Variants in MMP24 observed in about 807,000 individuals in gnomAD.
The protein encoded by MMP24 is matrix metallopeptidase 24.
In MMP24, 25 loss-of-function variants were observed where a neutral mutation model predicts 62.8. The ratio of observed to expected loss-of-function variants is 0.40; its 90% confidence interval spans 0.29 to 0.56. The LOEUF (loss-of-function observed/expected upper bound fraction) is 0.56. Ranked by LOEUF, MMP24 falls within the 20% of genes least tolerant of loss-of-function variation. The pLI is 0.50. For synonymous variants in MMP24, 319 were observed against 350.5 expected (o/e 0.91, Z 1.00); for missense variants, 634 against 853.6 (o/e 0.74, Z 3.21).
intron 4 of MMP24, among the ~76,000 whole-genome samples, chr20:35,262,210 A>G (rs1378666408): frequency 6.6e-6 from 1 of 152,110 alleles, no homozygotes; most frequent in Admixed American, 6.6e-5. Context: ...CACAGAGACA[A>G]AGTATAGAGA....
At chr20:35,234,570 G>C (rs1455508301) in intron 1 of MMP24, among the ~76,000 whole-genome samples, 1 of 152,180 alleles carries the variant, frequency 6.6e-6, no homozygotes, top group Non-Finnish European at 1.5e-5. Flanking sequence ...TTTTGAAGTA[G>C]CGCACCATGG....
chr20:35,267,302 C>T lies in MMP24; in HGVS notation c.1077C>T (p.Pro359=). 1 of 1,599,880 alleles carries T rather than the reference C, an allele frequency of 6.3e-7. No individual in the cohort carries two copies. The highest frequency in any genetic ancestry group is 8.5e-7 in the Non-Finnish European group (1 of 1,173,858). ...CGGAGAGGAAACACGAGCGCCAGCC[C>T]AGGCCCCCTCGGCCGCCCCTCGGGG... ...SPSERKHERQ[P]RPPRPPLGDR... The change falls in exon 6 of 9, where the codon CCC becomes CCT. Residue 359 remains proline, a synonymous_variant. Coordinates refer to ENST00000246186, the MANE Select transcript of MMP24 (RefSeq NM_006690.4).
intron 1 of MMP24, among the ~76,000 whole-genome samples, chr20:35,243,498 T>C (rs1282757609): frequency 2.0e-5 from 3 of 152,188 alleles, no homozygotes; most frequent in African/African-American, 7.2e-5. Flanking sequence ...AGGTGCTCAG[T>C]TAATGCTTGT....
intron 2 of MMP24, 62 bp downstream of exon 2, chr20:35,247,050 TG>T (rs2060518913): frequency 6.3e-7 from 1 of 1,586,052 alleles, no homozygotes; most frequent in Non-Finnish European, 8.7e-7. Context: ...GGTTCACATT[TG>T]TCATGGCCTG....
At chr20:35,252,137 T>C (rs1253195530) in intron 3 of MMP24, 116 bp downstream of exon 3, 5 of 809,150 alleles carry the variant, frequency 6.2e-6, no homozygotes, top group African/African-American at 1.7e-5. Flanking sequence ...GCTTACAACA[T>C]AGGCCAAGAG....
intron 2 of MMP24, 96 bp downstream of exon 2, chr20:35,247,084 C>A: frequency 1.4e-6 from 2 of 1,418,020 alleles, no homozygotes; most frequent in Non-Finnish European, 2.0e-6. Flanking sequence ...GCCCATCCTC[C>A]CTTCCTATCT....
intron 1 of MMP24, among the ~76,000 whole-genome samples, chr20:35,232,241 A>C (rs1046717292): frequency 6.6e-6 from 1 of 152,194 alleles, no homozygotes; most frequent in Non-Finnish European, 1.5e-5. Context: ...TTATAATTGT[A>C]CCCAAAAGAC....
intron 7 of MMP24, among the ~76,000 whole-genome samples, chr20:35,270,624 G>A (rs988755314): frequency 1.3e-5 from 2 of 152,214 alleles, no homozygotes; most frequent in Non-Finnish European, 2.9e-5. Context: ...ACATGGCAGG[G>A]GCAGGGCAGC....
intron 4 of MMP24, among the ~76,000 whole-genome samples, chr20:35,259,550 G>T (rs1327931162): frequency 6.6e-6 from 1 of 152,224 alleles, no homozygotes; most frequent in Non-Finnish European, 1.5e-5. Flanking sequence ...GTCATGGAAG[G>T]CTTCCTGGAA....
intron 4 of MMP24, among the ~76,000 whole-genome samples, chr20:35,256,714 CAAAAAAAAAAAAA>C (rs74173944): frequency 1.3e-4 from 5 of 39,716 alleles, no homozygotes; most frequent in Non-Finnish European, 1.4e-4. Flanking sequence ...GATTCCGTCT[CAAAAAAAAAAAAA>C]AAAAAAAAAA....
rs2060578759 is a variant in MMP24 at position 35,257,091 on chromosome 20, T to C, written c.817+2337T>C. 2.0e-5 allele frequency among the ~76,000 whole-genome samples: 3 copies of C among 152,062 alleles called. No homozygotes were observed. The South Asian group carries it at 6.2e-4, about 32-fold the overall frequency. Reference sequence around the variant, plus strand: ...GGTTTGGTGTCTATAGTTGGGGCCATGTTTGGTGTCTATAGTTGGGGATCA... The same window carrying C: ...GGTTTGGTGTCTATAGTTGGGGCCACGTTTGGTGTCTATAGTTGGGGATCA... On this transcript the variant is annotated intron_variant, in intron 4 of 8. Coordinates refer to ENST00000246186, the MANE Select transcript of MMP24 (RefSeq NM_006690.4).
At chr20:35,227,712 A>G (rs1369800805) in intron 1 of MMP24, among the ~76,000 whole-genome samples, 1 of 152,136 alleles carries the variant, frequency 6.6e-6, no homozygotes, top group Non-Finnish European at 1.5e-5. Context: ...CATTTACTGA[A>G]CACTCACTAT....
intron 1 of MMP24, among the ~76,000 whole-genome samples, chr20:35,234,071 C>T (rs1405856007): frequency 6.6e-6 from 1 of 152,182 alleles, no homozygotes; most frequent in Non-Finnish European, 1.5e-5. Flanking sequence ...TTTTATACCA[C>T]CCATTCTCCC....
chr20:35,244,860 T>C (rs560755978), intron 1 of MMP24, among the ~76,000 whole-genome samples: 5 of 152,142 alleles, frequency 3.3e-5, no homozygotes, highest in African/African-American at 7.2e-5. Context: ...AATCACTCCA[T>C]GCATAAAACT....
At chr20:35,267,036 T>A (rs539488487) in intron 5 of MMP24, among the ~76,000 whole-genome samples, 169 bp from the exon 6 acceptor site, 2 of 152,284 alleles carry the variant, frequency 1.3e-5, no homozygotes, top group Admixed American at 6.5e-5. Flanking sequence ...CCCATTCTAA[T>A]GGCTATTTTC....
At chr20:35,242,915 T>G (rs2146207696) in intron 1 of MMP24, among the ~76,000 whole-genome samples, 1 of 152,252 alleles carries the variant, frequency 6.6e-6, no homozygotes, top group Admixed American at 6.5e-5. Context: ...CGGTGGCTCA[T>G]GCCTGTAATC....
intron 4 of MMP24, 52 bp downstream of exon 4, chr20:35,254,806 A>G: frequency 6.5e-7 from 1 of 1,536,060 alleles, no homozygotes; most frequent in Non-Finnish European, 8.8e-7. Flanking sequence ...GTTGTTGGGA[A>G]AGAACTTGGA....
chr20:35,255,295 T>TACTCCAGCCCAGGCGACAAGAGTGAA lies in MMP24; in HGVS notation c.817+548_817+573dup. Among the ~76,000 whole-genome samples the TACTCCAGCCCAGGCGACAAGAGTGAA allele has an allele frequency of 2.0e-5, 3 of 151,842 alleles. No homozygotes were observed. In the East Asian group the frequency reaches 5.8e-4, roughly 30 times the overall value. On this transcript the variant is annotated intron_variant, in intron 4 of 8. Coordinates refer to ENST00000246186, the MANE Select transcript of MMP24 (RefSeq NM_006690.4). ...GCAGTGAGCCGAGATCGCACCATTG[T>TACTCCAGCCCAGGCGACAAGAGTGAA]ACTCCAGCCCAGGCGACAAGAGTGA... is the stretch of plus-strand genomic sequence containing the variant.
chr20:35,272,289 G>A, intron 8 of MMP24: 3 of 412,734 alleles, frequency 7.3e-6, no homozygotes, highest in Non-Finnish European at 1.3e-5. Context: ...AGGCTGGAAT[G>A]CTGTGGCATG....
Sources: allele counts gnomAD v4.1 joint callset (sites outside exome capture counted in the v4.1 genomes callset), GRCh38; gene constraint gnomAD v4.1.1; transcripts MANE v1.5; gene names NCBI Gene and HGNC (gene_info 2026-07-23, HGNC 2026-07-21).